Variants in ARSJ observed in about 807,000 individuals in gnomAD.
ARSJ encodes arylsulfatase family member J, also known as arylsulfatase J.
ARSJ carries 26 observed loss-of-function variants against 35.9 expected under a neutral mutation model. The ratio of observed to expected loss-of-function variants is 0.72; its 90% CI spans 0.53 to 1.00. The LOEUF (loss-of-function observed/expected upper bound fraction) is 1.00, where lower values mean the gene tolerates loss of function less well. Ranked by LOEUF, ARSJ falls within the 50% of genes least tolerant of loss-of-function variation. ARSJ has a pLI of 0.00. For synonymous variants in ARSJ, 294 were observed against 267.6 expected (o/e 1.10, Z -0.96); for missense variants, 667 against 723.6 (o/e 0.92, Z 0.90).
At chr4:113,940,806 T>A (rs1348394597) in intron 1 of ARSJ, among the ~76,000 whole-genome samples, 2 of 151,570 alleles carry the variant, frequency 1.3e-5, no homozygotes, top group African/African-American at 4.8e-5. Flanking sequence ...AATAAGATAA[T>A]TTTTTTTTCA....
intron 1 of ARSJ, among the ~76,000 whole-genome samples, chr4:113,933,446 T>C (rs969521800): frequency 6.6e-6 from 1 of 151,706 alleles, no homozygotes; most frequent in Admixed American, 6.6e-5. Flanking sequence ...GATGCAAAAA[T>C]TATCAACAAA....
At chr4:113,919,082 CA>C (rs1723504323) in intron 1 of ARSJ, among the ~76,000 whole-genome samples, 1 of 151,968 alleles carries the variant, frequency 6.6e-6, no homozygotes, top group South Asian at 2.1e-4. Context: ...TTGGTTTTTA[CA>C]AAAAGTTAAA....
intron 1 of ARSJ, among the ~76,000 whole-genome samples, chr4:113,964,700 A>G (rs1726779745): frequency 6.6e-6 from 1 of 152,084 alleles, no homozygotes; most frequent in Non-Finnish European, 1.5e-5. Flanking sequence ...ATGGAGCGTT[A>G]AAGATCAAAA....
At chr4:113,955,546 G>T (rs145600879) in intron 1 of ARSJ, among the ~76,000 whole-genome samples, 3 of 151,910 alleles carry the variant, frequency 2.0e-5, no homozygotes, top group Non-Finnish European at 4.4e-5. Context: ...GGATGCAGTC[G>T]GACTGGTTTT....
chr4:113,979,103 G>GC lies in ARSJ; in HGVS notation c.-270_-269insG. On this transcript the variant is annotated 5_prime_UTR_variant, in exon 1 of 2. Coordinates refer to ENST00000315366, the MANE Select transcript of ARSJ (RefSeq NM_024590.4). ...CCCTCCCTAGAGCAGCTTCCACCAA[G>GC]GAAAAAAAAAAGAAAAAAGTTAATA... The GC allele has an allele frequency of 6.2e-6, 2 of 321,316 alleles. No individual in the cohort carries two copies. The highest frequency in any genetic ancestry group is 5.7e-6 in the Non-Finnish European group (1 of 175,242). The allele number at this position is 321,316 out of a possible 1,614,324, so 19.9% of individuals were successfully genotyped here. A position where few individuals can be genotyped will look rare whatever the true frequency, so the allele number is the denominator to read the frequency against.
chr4:113,908,815 T>A (rs2099669563), intron 1 of ARSJ, among the ~76,000 whole-genome samples: 1 of 152,182 alleles, frequency 6.6e-6, no homozygotes, highest in Admixed American at 6.5e-5. Flanking sequence ...AGAATTTCTT[T>A]TATTTCTTTT....
At chr4:113,906,724 C>T in intron 1 of ARSJ, 1 of 456,074 alleles carries the variant, frequency 2.2e-6, no homozygotes, top group South Asian at 1.5e-5. Flanking sequence ...TACTTAATCC[C>T]TCTGATCCTC....
At chr4:113,903,726 C>A in intron 1 of ARSJ, 51 bp from the exon 2 acceptor site, 1 of 1,511,702 alleles carries the variant, frequency 6.6e-7, no homozygotes, top group South Asian at 1.3e-5. Context: ...AAGAGATATT[C>A]TACATAAAAC....
At position 113,902,274 on chromosome 4, in the gene ARSJ, T is replaced by C; in HGVS notation, c.1800A>G (p.Ter600=). ...STCHSGVTCG[*] ...TTAACCAAACAGGAAATATTTGTGC[T>C]TATCCACAAGTAACACCTGAATGGC... Residue 600 remains the stop codon, a stop_retained_variant, in exon 2 of 2, where the codon TAA becomes TAG. Transcript: ENST00000315366. 1 of 1,609,046 alleles carries C rather than the reference T, an allele frequency of 6.2e-7. No individual in the cohort carries two copies. The highest frequency in any genetic ancestry group is 8.5e-7 in the Non-Finnish European group (1 of 1,179,998).
chr4:113,950,497 A>G (rs1725794951), intron 1 of ARSJ, among the ~76,000 whole-genome samples: 1 of 152,078 alleles, frequency 6.6e-6, no homozygotes, highest in Admixed American at 6.6e-5. Context: ...TGAACTATTC[A>G]CTGAGAAACA....
intron 1 of ARSJ, among the ~76,000 whole-genome samples, chr4:113,905,539 C>T (rs1002246351): frequency 6.6e-6 from 1 of 151,822 alleles, no homozygotes; most frequent in Non-Finnish European, 1.5e-5. Context: ...GATCATTTAG[C>T]TGTCAGTTTT....
At chr4:113,930,080 C>T (rs1028945324) in intron 1 of ARSJ, among the ~76,000 whole-genome samples, 9 of 152,102 alleles carry the variant, frequency 5.9e-5, no homozygotes, top group Admixed American at 6.5e-5. Context: ...TGAAAGAACT[C>T]CATCCTTAAT....
chr4:113,901,858 CCTGT>C lies in ARSJ; in HGVS notation c.*412_*415del. 2.7e-5 allele frequency: 1 copy of C among 37,252 alleles called. No individual in the cohort carries two copies. The highest frequency in any genetic ancestry group is 1.3e-4 in the Non-Finnish European group (1 of 7,966). 2.3% of individuals were successfully genotyped at this position (37,252 alleles called of 1,614,324 possible). A position where few individuals can be genotyped will look rare whatever the true frequency, so the allele number is the denominator to read the frequency against. On this transcript the variant is annotated 3_prime_UTR_variant, in exon 2 of 2. Coordinates refer to ENST00000315366, the MANE Select transcript of ARSJ (RefSeq NM_024590.4). ...TCAAAGGTAGTTTTAATCATGCTACCCTGTAACTTCCATCAAATTAGCATGCTTG... is the reference window on the plus strand; with the variant it reads ...TCAAAGGTAGTTTTAATCATGCTACCAACTTCCATCAAATTAGCATGCTTG...
intron 1 of ARSJ, among the ~76,000 whole-genome samples, chr4:113,924,785 A>G (rs981427154): frequency 1.3e-5 from 2 of 152,196 alleles, no homozygotes; most frequent in African/African-American, 4.8e-5. Context: ...TGTTCTTAAC[A>G]AAAGAGGGAG....
intron 1 of ARSJ, among the ~76,000 whole-genome samples, chr4:113,927,112 C>A (rs1724120184): frequency 6.6e-6 from 1 of 152,144 alleles, no homozygotes; most frequent in African/African-American, 2.4e-5. Context: ...GTCAGAGTAA[C>A]ACACCCAAAT....
intron 1 of ARSJ, chr4:113,906,587 C>A (rs992365683): frequency 3.3e-6 from 1 of 301,520 alleles, no homozygotes; most frequent in African/African-American, 2.2e-5. Context: ...TGAGTTCCAG[C>A]CTCTATGGTG....
At chr4:113,973,046 A>G (rs1046670397) in intron 1 of ARSJ, among the ~76,000 whole-genome samples, 2 of 152,158 alleles carry the variant, frequency 1.3e-5, no homozygotes, top group Admixed American at 1.3e-4. Flanking sequence ...TCCCTCATTC[A>G]CAGATGATCC....
intron 1 of ARSJ, among the ~76,000 whole-genome samples, chr4:113,916,410 T>C (rs1723301578): frequency 1.3e-5 from 2 of 152,170 alleles, no homozygotes; most frequent in African/African-American, 4.8e-5. Context: ...ACAGGATTTT[T>C]TTCTTTTTTT....
rs2099667443 is a variant in ARSJ, at chr4:113,902,536, G to A, written c.1538C>T (p.Pro513Leu). ...YERVDLSNRYPGIVKKLLRRL... is the reference protein window; with the variant it reads ...YERVDLSNRYLGIVKKLLRRL... ...CCGTAGGAGCTTCTTCACGATTCCT[G>A]GATACCTGTTAGATAGGTCCACCCT... is the stretch of plus-strand genomic sequence containing the variant. The change falls in exon 2 of 2, where the codon CCA (proline) becomes CTA (leucine). Residue 513 changes from proline (P) to leucine (L), a missense_variant. Coordinates refer to ENST00000315366, the MANE Select transcript of ARSJ (RefSeq NM_024590.4). 1 of 1,613,966 alleles carries A rather than the reference G, an allele frequency of 6.2e-7. No individual in the cohort carries two copies. Among genetic ancestry groups the A allele is most frequent in the Admixed American group, 1.7e-5 (1 of 59,978 alleles).
Sources: gnomAD v4.1 joint callset for allele counts (sites outside exome capture counted in the v4.1 genomes callset) on GRCh38, gnomAD v4.1.1 for gene constraint, MANE v1.5 for transcripts, NCBI Gene and HGNC (gene_info 2026-07-23, HGNC 2026-07-21) for gene names.